The following BBS4 variants were observed in gnomAD, a reference collection of about 807,000 sequenced individuals.
BBS4 encodes the protein BBSome complex member BBS4.
A neutral mutation model predicts 71.4 loss-of-function variants in BBS4; 58 were observed. The observed-to-expected ratio is 0.81, with a 90% CI of 0.66 to 1.01. The LOEUF is 1.01. Ranked by LOEUF, BBS4 falls within the 50% of genes least tolerant of loss-of-function variation. The probability of loss-of-function intolerance (pLI) is 0.00; values close to 1 mark genes in which losing one functional copy is unlikely to be tolerated. For synonymous variants in BBS4, 228 were observed against 216.8 expected (o/e 1.05, Z -0.46); for missense variants, 660 against 607.9 (o/e 1.09, Z -0.90).
At chr15:72,691,901 T>C (rs2064990850) in intron 1 of BBS4, among the ~76,000 whole-genome samples, 1 of 150,426 alleles carries the variant, frequency 6.6e-6, no homozygotes, top group South Asian at 2.1e-4. Flanking sequence ...AGGCGGAGGT[T>C]GCAGTGAGCC....
intron 6 of BBS4, among the ~76,000 whole-genome samples, chr15:72,720,628 A>G (rs1409904555): frequency 6.6e-6 from 1 of 152,184 alleles, no homozygotes; most frequent in Admixed American, 6.5e-5. Context: ...TCTGTTAAGT[A>G]GGGAGAATTT....
chr15:72,726,099 C>CTTCCTTCCTTTCT (rs200930175), intron 8 of BBS4, among the ~76,000 whole-genome samples: 1 of 143,926 alleles, frequency 6.9e-6, no homozygotes, highest in Non-Finnish European at 1.5e-5. Context: ...TTCTTCCTTT[C>CTTCCTTCCTTTCT]TTCCTTCCTT....
At chr15:72,699,158 T>C (rs76391122) in intron 2 of BBS4, among the ~76,000 whole-genome samples, 62 of 152,078 alleles carry the variant, frequency 4.1e-4, no homozygotes, top group African/African-American at 1.3e-3. Flanking sequence ...TTTTTTTTTT[T>C]CCACTGCAAC....
chr15:72,735,727 C>CTT (rs2065908458), intron 13 of BBS4, 98 bp from the exon 14 acceptor site: 2 of 1,481,422 alleles, frequency 1.4e-6, no homozygotes, highest in East Asian at 4.5e-5. Flanking sequence ...GAAATCTCTA[C>CTT]TTAACCAGTT....
intron 12 of BBS4, among the ~76,000 whole-genome samples, chr15:72,733,794 T>G (rs1442348663): frequency 6.6e-6 from 1 of 152,216 alleles, no homozygotes; most frequent in Non-Finnish European, 1.5e-5. Context: ...TACCCAGTAA[T>G]GGGATTGCTG....
chr15:72,704,326 C>A, intron 2 of BBS4: 2 of 660,532 alleles, frequency 3.0e-6, no homozygotes, highest in Non-Finnish European at 4.7e-6. Context: ...GGAGACTCTG[C>A]TCTGCATTTA....
intron 2 of BBS4, 86 bp from the exon 3 acceptor site, chr15:72,709,614 T>C: frequency 1.0e-6 from 1 of 957,596 alleles, no homozygotes; most frequent in Non-Finnish European, 1.7e-6. Context: ...TTGCAGTATG[T>C]TTATGGTTAG....
In BBS4 at chr15:72,709,269, C is replaced by T. The variant is rs188603854; in HGVS notation, c.77-431C>T. On this transcript the variant is annotated intron_variant, in intron 2 of 15. Coordinates refer to ENST00000268057, the MANE Select transcript of BBS4 (RefSeq NM_033028.5). ...GTACTCTTATTTCTTAGCCGGCTGA[C>T]GCTTATAGAAAATAGAAAGAACCTA... Among the ~76,000 whole-genome samples the T allele has an allele frequency of 2.9e-3, 442 of 152,292 alleles. 7 individuals carry two copies. Among genetic ancestry groups the T allele is most frequent in the East Asian group, 1.9e-3 (10 of 5,184 alleles).
chr15:72,690,765 TAAAA>T (rs1378345394), intron 1 of BBS4, among the ~76,000 whole-genome samples: 1 of 152,108 alleles, frequency 6.6e-6, no homozygotes. Flanking sequence ...AGTATTTGTT[TAAAA>T]AAACAGAAAC....
At chr15:72,698,434 C>G (rs1169609926) in intron 2 of BBS4, among the ~76,000 whole-genome samples, 3 of 152,122 alleles carry the variant, frequency 2.0e-5, no homozygotes, top group African/African-American at 7.2e-5. Context: ...ATTCTATTTT[C>G]TGTATCTATG....
At chr15:72,725,057 T>TAGAGAG (rs71137311) in intron 8 of BBS4, among the ~76,000 whole-genome samples, 5,649 of 127,504 alleles carry the variant, frequency 0.044, 165 homozygotes, top group Non-Finnish European at 0.058. Context: ...TATATATATA[T>TAGAGAG]AGAGAGAGAG....
chr15:72,698,358 A>T (rs931135269), intron 2 of BBS4, among the ~76,000 whole-genome samples: 2 of 152,326 alleles, frequency 1.3e-5, no homozygotes, highest in South Asian at 2.1e-4. Flanking sequence ...TTCCAAACAG[A>T]AACACTGTAC....
Position 72,702,802 on chromosome 15 carries a change from C to CTTTTTTTTTTTTTTTTTTTTTTT in BBS4, c.77-6897_77-6875dup, listed in dbSNP as rs59816410. Among the ~76,000 whole-genome samples the CTTTTTTTTTTTTTTTTTTTTTTT allele has an allele frequency of 2.6e-4, 19 of 73,486 alleles. 4 individuals are homozygous for CTTTTTTTTTTTTTTTTTTTTTTT. The highest frequency in any genetic ancestry group is 1.9e-3 in the East Asian group (3 of 1,618). The allele number at this position is 73,486 out of a possible 152,430, so 48.2% of individuals were successfully genotyped here. On this transcript the variant is annotated intron_variant, in intron 2 of 15. Transcript: ENST00000268057. Reference sequence around the variant, plus strand: ...TTTTTGGTATAGTGAGGAGCTGACTCTTTTTTTTTTTTTTTTTTTTTTTGA... The same window carrying CTTTTTTTTTTTTTTTTTTTTTTT: ...TTTTTGGTATAGTGAGGAGCTGACTCTTTTTTTTTTTTTTTTTTTTTTTTTTTTTTTTTTTTTTTTTTTTTTGA...
At chr15:72,716,896 T>TAA in intron 6 of BBS4, 46 bp downstream of exon 6, 3 of 1,354,502 alleles carry the variant, frequency 2.2e-6, no homozygotes, top group Non-Finnish European at 3.2e-6. Context: ...AACTTGCTAA[T>TAA]GGTTCCATTT....
At chr15:72,735,282 T>G in intron 13 of BBS4, 100 bp downstream of exon 13, 1 of 881,572 alleles carries the variant, frequency 1.1e-6, no homozygotes, top group Non-Finnish European at 1.9e-6. Flanking sequence ...TCAGCCCAGC[T>G]GTTCCTCTAT....
intron 4 of BBS4, among the ~76,000 whole-genome samples, chr15:72,712,956 T>C (rs1195845382): frequency 6.6e-6 from 1 of 152,030 alleles, no homozygotes; most frequent in African/African-American, 2.4e-5. Context: ...CACAACAACA[T>C]TGTACATTTG....
chr15:72,722,467 A>G lies in BBS4; in HGVS notation c.406-327A>G, dbSNP rs575409800. 1.3e-4 allele frequency among the ~76,000 whole-genome samples: 20 copies of G among 152,366 alleles called. 1 individual carries two copies. Among genetic ancestry groups the G allele is most frequent in the Admixed American group, 1.2e-3 (19 of 15,306 alleles). Reference sequence around the variant, plus strand: ...GCTGTGGGTAGTCTCTCCTGAGAAGAAGGAGCAAAGGGTATGGGTGATGGG... The same window carrying G: ...GCTGTGGGTAGTCTCTCCTGAGAAGGAGGAGCAAAGGGTATGGGTGATGGG... On this transcript the variant is annotated intron_variant, in intron 6 of 15. Coordinates refer to ENST00000268057, the MANE Select transcript of BBS4 (RefSeq NM_033028.5).
chr15:72,686,922 T>C, intron 1 of BBS4: 1 of 238,082 alleles, frequency 4.2e-6, no homozygotes, highest in Admixed American at 5.2e-5. Context: ...GTTAGAATGA[T>C]TTTAGGTATT....
chr15:72,706,111 G>C (rs1229593498), intron 2 of BBS4, among the ~76,000 whole-genome samples: 1 of 151,976 alleles, frequency 6.6e-6, no homozygotes, highest in Non-Finnish European at 1.5e-5. Context: ...AGATGACTTA[G>C]TAAGCTACTT....
Sources: gnomAD v4.1 joint callset for allele counts (sites outside exome capture counted in the v4.1 genomes callset) on GRCh38, gnomAD v4.1.1 for gene constraint, MANE v1.5 for transcripts, NCBI Gene and HGNC (gene_info 2026-07-23, HGNC 2026-07-21) for gene names.